Variants in TMEM108 observed in about 807,000 individuals in gnomAD.
TMEM108 encodes the protein cancer/testis antigen 124.
A neutral mutation model predicts 35.1 loss-of-function variants in TMEM108; 12 were observed. The ratio of observed to expected loss-of-function variants is 0.34; its 90% confidence interval spans 0.22 to 0.55. The LOEUF is 0.55. Among genes scored for constraint, TMEM108 ranks in the 20% least tolerant of loss-of-function variants. The pLI, the probability that TMEM108 is intolerant of heterozygous loss-of-function variation, is 0.89. For synonymous variants in TMEM108, 287 were observed against 308.6 expected, an observed-to-expected ratio of 0.93 and a Z score of 0.73; for missense variants, 680 against 753.3, an observed-to-expected ratio of 0.90 and a Z score of 1.14.
intron 3 of TMEM108, among the ~76,000 whole-genome samples, chr3:133,328,463 C>G (rs2071356904): frequency 6.6e-6 from 1 of 152,180 alleles, no homozygotes; most frequent in Admixed American, 6.5e-5. Context: ...TTAGTTTTTT[C>G]TGTTTCTGCA....
chr3:133,088,183 A>AGCTAT (rs1360822384), intron 2 of TMEM108, among the ~76,000 whole-genome samples: 1 of 152,140 alleles, frequency 6.6e-6, no homozygotes, highest in Non-Finnish European at 1.5e-5. Context: ...GGCCTAAAAC[A>AGCTAT]GCTATCCAGC....
At chr3:133,074,444 CT>C (rs1230070550) in intron 2 of TMEM108, 1 of 152,186 alleles carries the variant, frequency 6.6e-6, no homozygotes, top group Non-Finnish European at 1.5e-5. Flanking sequence ...GTTCAGAACA[CT>C]TACAGTAGCC....
intron 2 of TMEM108, among the ~76,000 whole-genome samples, chr3:133,149,416 T>C (rs1944765779): frequency 6.6e-6 from 1 of 152,200 alleles, no homozygotes; most frequent in African/African-American, 2.4e-5. Flanking sequence ...TACAATACAT[T>C]ATAATTAACT....
intron 2 of TMEM108, among the ~76,000 whole-genome samples, chr3:133,100,205 C>T (rs1054835901): frequency 6.6e-6 from 1 of 152,194 alleles, no homozygotes; most frequent in Non-Finnish European, 1.5e-5. Flanking sequence ...GACTTATTCA[C>T]TATCATGAGA....
At chr3:133,050,118 A>G (rs1943385792) in intron 2 of TMEM108, among the ~76,000 whole-genome samples, 1 of 152,194 alleles carries the variant, frequency 6.6e-6, no homozygotes, top group Non-Finnish European at 1.5e-5. Context: ...TTTCAAAGAT[A>G]TAAAGTTTCC....
chr3:133,055,430 T>C (rs757572967), intron 2 of TMEM108, among the ~76,000 whole-genome samples: 1 of 152,228 alleles, frequency 6.6e-6, no homozygotes, highest in Non-Finnish European at 1.5e-5. Context: ...ATCTGCTCTC[T>C]CCAGGGTATA....
chr3:133,169,469 C>T (rs1279378611), intron 2 of TMEM108, among the ~76,000 whole-genome samples: 9 of 152,242 alleles, frequency 5.9e-5, no homozygotes, highest in South Asian at 4.1e-4. Flanking sequence ...CTGGACTATG[C>T]GGTGGAATCA....
intron 3 of TMEM108, among the ~76,000 whole-genome samples, chr3:133,375,960 G>A (rs1439537103): frequency 6.6e-6 from 1 of 152,164 alleles, no homozygotes; most frequent in Non-Finnish European, 1.5e-5. Flanking sequence ...CACCCACGGT[G>A]GCAGTATCCG....
intron 3 of TMEM108, among the ~76,000 whole-genome samples, chr3:133,233,383 G>T (rs1159898254): frequency 6.6e-6 from 1 of 151,504 alleles, no homozygotes; most frequent in African/African-American, 2.4e-5. Flanking sequence ...CATTTTTTAT[G>T]GCTGCATAGT....
At chr3:133,167,128 A>G (rs572846837) in intron 2 of TMEM108, among the ~76,000 whole-genome samples, 3 of 152,320 alleles carry the variant, frequency 2.0e-5, no homozygotes, top group Non-Finnish European at 4.4e-5. Flanking sequence ...AAGTTCTTCA[A>G]GTCCCCACTA....
chr3:133,176,365 A>G (rs1023262100), intron 2 of TMEM108, among the ~76,000 whole-genome samples: 2 of 152,252 alleles, frequency 1.3e-5, no homozygotes, highest in African/African-American at 2.4e-5. Flanking sequence ...TCAACAGAAT[A>G]TACATTTTTT....
At chr3:133,065,577 T>G (rs1943597198) in intron 2 of TMEM108, among the ~76,000 whole-genome samples, 1 of 152,194 alleles carries the variant, frequency 6.6e-6, no homozygotes, top group South Asian at 2.1e-4. Flanking sequence ...ATTTTCTAAT[T>G]AAGAACATCT....
At chr3:133,163,261 A>AT (rs749862451) in intron 2 of TMEM108, among the ~76,000 whole-genome samples, 3 of 152,068 alleles carry the variant, frequency 2.0e-5, no homozygotes, top group Non-Finnish European at 4.4e-5. Context: ...TCCTCTCTCC[A>AT]TCCCCCCTAG....
At chr3:133,186,057 C>T (rs977497978) in intron 2 of TMEM108, among the ~76,000 whole-genome samples, 1 of 150,272 alleles carries the variant, frequency 6.7e-6, no homozygotes, top group Non-Finnish European at 1.5e-5. Flanking sequence ...CATGAGCCAC[C>T]GTGCCCAGCT....
chr3:133,171,325 A>G (rs1945128120), intron 2 of TMEM108, among the ~76,000 whole-genome samples: 1 of 152,226 alleles, frequency 6.6e-6, no homozygotes, highest in Non-Finnish European at 1.5e-5. Flanking sequence ...ATATAATTTT[A>G]AAATTATATT....
chr3:133,389,080 T>C, intron 4 of TMEM108: 1 of 985,554 alleles, frequency 1.0e-6, no homozygotes, highest in South Asian at 4.7e-5. Flanking sequence ...CAGTCCTCAC[T>C]TCATGGCTTC....
At chr3:133,105,270 G>A (rs1944136077) in intron 2 of TMEM108, among the ~76,000 whole-genome samples, 1 of 152,114 alleles carries the variant, frequency 6.6e-6, no homozygotes, top group Admixed American at 6.6e-5. Context: ...TCAGCGGCAG[G>A]TCATTCTCAG....
intron 3 of TMEM108, among the ~76,000 whole-genome samples, chr3:133,296,625 A>G (rs1947148880): frequency 6.6e-6 from 1 of 152,050 alleles, no homozygotes; most frequent in Non-Finnish European, 1.5e-5. Context: ...CAGTCCTTGT[A>G]GGGAGATGGA....
intron 3 of TMEM108, among the ~76,000 whole-genome samples, chr3:133,379,388 G>A (rs570980637): frequency 7.2e-5 from 11 of 152,324 alleles, no homozygotes; most frequent in Non-Finnish European, 1.3e-4. Context: ...AGAGGAAGAG[G>A]CAGATGTGGA....
Sources: gnomAD v4.1 joint callset for allele counts (sites outside exome capture counted in the v4.1 genomes callset) on GRCh38, gnomAD v4.1.1 for gene constraint, MANE v1.5 for transcripts, NCBI Gene and HGNC (gene_info 2026-07-23, HGNC 2026-07-21) for gene names.